The following NEO1 variants were observed in gnomAD, a reference collection of about 807,000 sequenced individuals.
NEO1 encodes the protein neogenin.
Under a neutral mutation model 159.7 loss-of-function variants are expected in NEO1, and 63 were observed. That is an observed-to-expected ratio of 0.39 (90% CI 0.32 to 0.49). The LOEUF is 0.49. NEO1 is among the 20% of genes least tolerant of loss of function. The pLI, the probability that NEO1 is intolerant of heterozygous loss-of-function variation, is 0.85. For synonymous variants in NEO1, 633 were observed against 662.0 expected (o/e 0.96, Z 0.67); for missense variants, 1,615 against 1,831.0 (o/e 0.88, Z 2.15).
intron 1 of NEO1, among the ~76,000 whole-genome samples, chr15:73,098,590 T>A (rs2070219850): frequency 6.6e-6 from 1 of 152,238 alleles, no homozygotes; most frequent in Non-Finnish European, 1.5e-5. Flanking sequence ...TTTTACAGTC[T>A]TGCGTACAAC....
chr15:73,148,607 G>T (rs2033117383), intron 5 of NEO1, among the ~76,000 whole-genome samples: 2 of 152,240 alleles, frequency 1.3e-5, no homozygotes, highest in South Asian at 4.1e-4. Context: ...ACAGGAATGG[G>T]GTCTTACCCC....
intron 7 of NEO1, among the ~76,000 whole-genome samples, chr15:73,193,599 A>T (rs1030946188): frequency 6.8e-6 from 1 of 147,574 alleles, no homozygotes; most frequent in African/African-American, 2.5e-5. Flanking sequence ...ATGACCATAC[A>T]TCTAGTGTGC....
chr15:73,272,364 C>A, intron 18 of NEO1, 91 bp from the exon 19 acceptor site: 1 of 882,342 alleles, frequency 1.1e-6, no homozygotes, highest in Non-Finnish European at 1.8e-6. Context: ...GCCTTGTGCC[C>A]TTTATTTTGC....
chr15:73,294,201 A>C (rs774361490), intron 26 of NEO1, among the ~76,000 whole-genome samples: 3 of 152,256 alleles, frequency 2.0e-5, no homozygotes, highest in Admixed American at 1.3e-4. Flanking sequence ...TGGAAATCTT[A>C]GGAAACCGCA....
chr15:73,189,041 A>G (rs754513178), intron 7 of NEO1, among the ~76,000 whole-genome samples: 3 of 152,132 alleles, frequency 2.0e-5, no homozygotes, highest in Admixed American at 6.6e-5. Flanking sequence ...CGAGGCTTCA[A>G]TGAGCTGTGA....
intron 15 of NEO1, among the ~76,000 whole-genome samples, chr15:73,264,149 T>G (rs1030173289): frequency 6.6e-6 from 1 of 151,822 alleles, no homozygotes; most frequent in Non-Finnish European, 1.5e-5. Context: ...ATTATACCAC[T>G]GTACTCCAGC....
chr15:73,197,379 C>T (rs903281913), intron 7 of NEO1, among the ~76,000 whole-genome samples: 1 of 151,936 alleles, frequency 6.6e-6, no homozygotes, highest in Non-Finnish European at 1.5e-5. Flanking sequence ...AAATATACTT[C>T]TAAGAAAGTA....
chr15:73,247,425 T>C (rs2039853308), intron 9 of NEO1, among the ~76,000 whole-genome samples: 1 of 152,206 alleles, frequency 6.6e-6, no homozygotes, highest in South Asian at 2.1e-4. Flanking sequence ...ATTTAGGGAC[T>C]GTTTTGTTTT....
At chr15:73,195,050 T>C (rs1337054427) in intron 7 of NEO1, among the ~76,000 whole-genome samples, 1 of 152,214 alleles carries the variant, frequency 6.6e-6, no homozygotes, top group Non-Finnish European at 1.5e-5. Context: ...TCATGGACTT[T>C]AAGACCAGAA....
At chr15:73,171,612 C>CTATTATTATTAT (rs10549726) in intron 5 of NEO1, among the ~76,000 whole-genome samples, 49 of 139,012 alleles carry the variant, frequency 3.5e-4, no homozygotes, top group East Asian at 1.5e-3. Flanking sequence ...TATTAAGAAA[C>CTATTATTATTAT]TATTATTATT....
At chr15:73,107,099 T>C (rs569813268) in intron 1 of NEO1, among the ~76,000 whole-genome samples, 1 of 152,322 alleles carries the variant, frequency 6.6e-6, no homozygotes, top group Non-Finnish European at 1.5e-5. Flanking sequence ...GTTACCATAA[T>C]TTATTGAAAT....
chr15:73,177,796 C>T (rs2035366730), intron 6 of NEO1, among the ~76,000 whole-genome samples: 1 of 152,192 alleles, frequency 6.6e-6, no homozygotes, highest in Non-Finnish European at 1.5e-5. Context: ...CTGCCTCGGC[C>T]TCCCAAAGTG....
chr15:73,272,971 A>C (rs1426241496), intron 19 of NEO1, among the ~76,000 whole-genome samples: 1 of 146,002 alleles, frequency 6.8e-6, no homozygotes, highest in Non-Finnish European at 1.5e-5. Flanking sequence ...GAAGCCACAA[A>C]AAAAAAAAAA....
At chr15:73,241,776 A>T (rs1340445167) in intron 8 of NEO1, among the ~76,000 whole-genome samples, 1 of 152,206 alleles carries the variant, frequency 6.6e-6, no homozygotes, top group Admixed American at 6.5e-5. Context: ...GTTTTTCTGC[A>T]CAGTAACTTG....
At position 73,244,351 on chromosome 15, in the gene NEO1, G is replaced by A. The variant is rs755509305; in HGVS notation, c.1459G>A (p.Val487Ile). ...YTKEGIARER[V>I]ENTSHPGEMQ... is the part of the protein sequence containing the mutation. ...CAAATCCTTTGTCTAAAGGGAACGT[G>A]TTGAGAATACCAGTCACCCAGGAGA... Residue 487 changes from valine to isoleucine, a missense_variant, in exon 9 of 29, where the codon GTT (valine) becomes ATT (isoleucine). Coordinates refer to ENST00000261908, the MANE Select transcript of NEO1 (RefSeq NM_002499.4). 2.5e-6 allele frequency: 4 copies of A among 1,613,244 alleles called. No homozygotes were observed. In the South Asian group the frequency reaches 4.4e-5, roughly 18 times the overall value.
At chr15:73,126,939 A>G (rs1208341555) in intron 4 of NEO1, among the ~76,000 whole-genome samples, 2 of 152,102 alleles carry the variant, frequency 1.3e-5, no homozygotes, top group East Asian at 1.9e-4. Flanking sequence ...CACAATCAGT[A>G]TGAGAAACTG....
chr15:73,135,042 GGCA>G (rs1435211219), intron 4 of NEO1, among the ~76,000 whole-genome samples: 1 of 152,076 alleles, frequency 6.6e-6, no homozygotes, highest in Non-Finnish European at 1.5e-5. Flanking sequence ...CTTTTAAAGT[GGCA>G]GCTTTAATTA....
chr15:73,290,057 AC>A (rs2042102606), intron 25 of NEO1, among the ~76,000 whole-genome samples: 3 of 151,918 alleles, frequency 2.0e-5, no homozygotes, highest in Admixed American at 2.0e-4. Flanking sequence ...GATTACTTGA[AC>A]CCAGCGTTTA....
At chr15:73,201,338 A>G (rs546467125) in intron 7 of NEO1, among the ~76,000 whole-genome samples, 1 of 151,944 alleles carries the variant, frequency 6.6e-6, no homozygotes, top group Non-Finnish European at 1.5e-5. Flanking sequence ...CCCATGAGTT[A>G]TTTAGATATA....
Sources: allele counts gnomAD v4.1 joint callset (sites outside exome capture counted in the v4.1 genomes callset), GRCh38; gene constraint gnomAD v4.1.1; transcripts MANE v1.5; gene names NCBI Gene and HGNC (gene_info 2026-07-23, HGNC 2026-07-21).